RBFOX1: variants seen among roughly 807,000 people sequenced by gnomAD.
The protein encoded by RBFOX1 is RNA binding fox-1 homolog 1.
A neutral mutation model predicts 57.7 loss-of-function variants in RBFOX1; 8 were observed. The observed-to-expected ratio is 0.14, with a 90% CI of 0.08 to 0.25. The LOEUF (loss-of-function observed/expected upper bound fraction) is 0.25, where lower values mean the gene tolerates loss of function less well. Ranked by LOEUF, RBFOX1 falls within the 10% of genes least tolerant of loss-of-function variation. The pLI, the probability that RBFOX1 is intolerant of heterozygous loss-of-function variation, is 1.00. For missense variants in RBFOX1, 611 were observed against 548.5 expected, an observed-to-expected ratio of 1.11 and a Z score of -1.14; for synonymous variants, 326 against 222.4, an observed-to-expected ratio of 1.47 and a Z score of -4.15.
At chr16:6,178,991 A>G (rs974504143) in intron 1 of RBFOX1, among the ~76,000 whole-genome samples, 14 of 152,206 alleles carry the variant, frequency 9.2e-5, no homozygotes, top group African/African-American at 3.4e-4. Context: ...GGAAGGATTT[A>G]AAAAATATTT....
intron 1 of RBFOX1, among the ~76,000 whole-genome samples, chr16:6,276,408 C>A (rs1316407897): frequency 6.6e-6 from 1 of 152,154 alleles, no homozygotes; most frequent in Non-Finnish European, 1.5e-5. Flanking sequence ...GATCTTGGCT[C>A]ACTACCACCT....
At chr16:7,212,091 T>C (rs1194973447) in intron 4 of RBFOX1, among the ~76,000 whole-genome samples, 1 of 152,108 alleles carries the variant, frequency 6.6e-6, no homozygotes, top group Non-Finnish European at 1.5e-5. Flanking sequence ...TAGTGGATGA[T>C]CAGCGGTCAA....
chr16:6,142,417 T>G (rs894839222), intron 1 of RBFOX1, among the ~76,000 whole-genome samples: 4 of 151,812 alleles, frequency 2.6e-5, no homozygotes, highest in Non-Finnish European at 5.9e-5. Context: ...GAGATGGGGT[T>G]TCACCATGTT....
chr16:5,643,219 C>T (rs1211794621), intron 3 of RBFOX1, among the ~76,000 whole-genome samples: 2 of 152,142 alleles, frequency 1.3e-5, no homozygotes, highest in African/African-American at 2.4e-5. Flanking sequence ...AGTTACATGG[C>T]ACATGGGCAG....
At chr16:7,480,806 C>G (rs2063749161) in intron 4 of RBFOX1, among the ~76,000 whole-genome samples, 2 of 151,922 alleles carry the variant, frequency 1.3e-5, no homozygotes, top group South Asian at 2.1e-4. Context: ...GGCCTTGGCA[C>G]TTATGGAGGA....
chr16:6,328,329 G>A (rs1371529912), intron 2 of RBFOX1, among the ~76,000 whole-genome samples: 1 of 152,118 alleles, frequency 6.6e-6, no homozygotes, highest in Non-Finnish European at 1.5e-5. Context: ...TGGGTTCAGT[G>A]TATACTCCTC....
chr16:6,030,347 C>G (rs921517672), intron 1 of RBFOX1, among the ~76,000 whole-genome samples: 1 of 152,170 alleles, frequency 6.6e-6, no homozygotes, highest in Non-Finnish European at 1.5e-5. Context: ...AAGTGGAATA[C>G]CTGTCCATGT....
chr16:7,217,421 G>T (rs1056649810), intron 4 of RBFOX1, among the ~76,000 whole-genome samples: 1 of 149,738 alleles, frequency 6.7e-6, no homozygotes. Context: ...GAACCACCAC[G>T]TCCAGCCAGG....
chr16:6,960,604 C>A (rs543712261), intron 3 of RBFOX1, among the ~76,000 whole-genome samples: 1 of 152,182 alleles, frequency 6.6e-6, no homozygotes, highest in South Asian at 2.1e-4. Context: ...GCAGAGGAGG[C>A]CCCCGCCTGC....
At position 6,430,839 on chromosome 16, in the gene RBFOX1, A is replaced by T. The variant is rs114207757; in HGVS notation, c.-64+113782A>T. On this transcript the variant is annotated intron_variant, in intron 2 of 15. Transcript: ENST00000550418. Reference sequence around the variant, plus strand: ...ATTAAAGGCAGGGAGACTAGTCAAGAAGTTACTGTGGTCAGGAACAGTAGC... The same window carrying T: ...ATTAAAGGCAGGGAGACTAGTCAAGTAGTTACTGTGGTCAGGAACAGTAGC... Among the ~76,000 whole-genome samples, 548 of 152,088 alleles carry T rather than the reference A, an allele frequency of 3.6e-3. 3 individuals carry two copies. The highest frequency in any genetic ancestry group is 0.013 in the African/African-American group (527 of 41,460).
intron 3 of RBFOX1, among the ~76,000 whole-genome samples, chr16:6,806,805 A>AATAAATAC (rs1567330757): frequency 5.4e-5 from 6 of 110,262 alleles, no homozygotes; most frequent in African/African-American, 2.0e-4. Flanking sequence ...TATATATATA[A>AATAAATAC]ATAAATATAT....
chr16:6,284,206 A>G (rs982256823), intron 1 of RBFOX1, among the ~76,000 whole-genome samples: 11 of 152,122 alleles, frequency 7.2e-5, no homozygotes, highest in African/African-American at 2.7e-4. Flanking sequence ...CTTGCAATTT[A>G]TATTCTTTTT....
intron 5 of RBFOX1, among the ~76,000 whole-genome samples, chr16:7,548,223 G>A (rs1178143839): frequency 1.3e-5 from 2 of 152,170 alleles, no homozygotes; most frequent in African/African-American, 2.4e-5. Flanking sequence ...CCAGGCTGGA[G>A]TACAGTGGTG....
chr16:6,735,975 C>G (rs1257651431), intron 3 of RBFOX1, among the ~76,000 whole-genome samples: 2 of 188 alleles, frequency 0.011, no homozygotes, highest in Admixed American at 0.17. Context: ...GTTTGCTTCC[C>G]TACTGGGCCT....
intron 3 of RBFOX1, among the ~76,000 whole-genome samples, chr16:6,912,999 A>T (rs1007041458): frequency 7.2e-5 from 11 of 151,922 alleles, no homozygotes; most frequent in African/African-American, 2.7e-4. Context: ...ACTGTGCTTT[A>T]TATTCTACTT....
chr16:7,583,816 A>C (rs1268678423), intron 6 of RBFOX1, among the ~76,000 whole-genome samples: 1 of 152,104 alleles, frequency 6.6e-6, no homozygotes, highest in Non-Finnish European at 1.5e-5. Flanking sequence ...CCCAGTTTCT[A>C]CAACAATAAA....
intron 3 of RBFOX1, among the ~76,000 whole-genome samples, chr16:6,673,887 T>C (rs949934631): frequency 2.6e-5 from 4 of 152,178 alleles, no homozygotes; most frequent in African/African-American, 9.6e-5. Context: ...CAAACACTTG[T>C]TGGAGGAAGT....
chr16:5,522,983 A>C (rs886736491), intron 2 of RBFOX1, among the ~76,000 whole-genome samples: 26 of 64,070 alleles, frequency 4.1e-4, no homozygotes, highest in Non-Finnish European at 5.5e-4. Flanking sequence ...GTTGTGAATA[A>C]AGTGCTGCAA....
chr16:6,961,031 T>A (rs962470320), intron 3 of RBFOX1, among the ~76,000 whole-genome samples: 3 of 148,960 alleles, frequency 2.0e-5, no homozygotes, highest in Non-Finnish European at 3.0e-5. Flanking sequence ...ATAGTCCAGC[T>A]ACTCAGGAGG....
Sources: gnomAD v4.1 joint callset for allele counts (sites outside exome capture counted in the v4.1 genomes callset) on GRCh38, gnomAD v4.1.1 for gene constraint, MANE v1.5 for transcripts, NCBI Gene and HGNC (gene_info 2026-07-23, HGNC 2026-07-21) for gene names.